The following RARB variants were observed in gnomAD, a reference collection of about 807,000 sequenced individuals.
RARB encodes HBV-activated protein.
In RARB, 17 loss-of-function variants were observed where a neutral mutation model predicts 51.9. That is an observed-to-expected ratio of 0.33 (90% CI 0.22 to 0.49). The LOEUF is 0.49. Among genes scored for constraint, RARB ranks in the 20% least tolerant of loss-of-function variants. RARB has a pLI of 0.99. For synonymous variants in RARB, 215 were observed against 195.4 expected (o/e 1.10, Z -0.84); for missense variants, 369 against 550.8 (o/e 0.67, Z 3.30).
intron 2 of RARB, among the ~76,000 whole-genome samples, chr3:24,918,449 C>T (rs555538378): frequency 3.3e-5 from 5 of 151,950 alleles, no homozygotes; most frequent in African/African-American, 9.7e-5. Flanking sequence ...TTTGGGGTGA[C>T]GGAGATATTT....
intron 4 of RARB, 63 bp downstream of exon 4, chr3:25,569,981 GACACACACACACACACACACACAC>G: frequency 1.9e-6 from 2 of 1,068,362 alleles, no homozygotes; most frequent in Admixed American, 2.5e-5. Context: ...CATGTGTGCA[GACACACACACACACACACACACAC>G]ACACACACAC....
chr3:24,974,488 A>T (rs1457668068), intron 2 of RARB, among the ~76,000 whole-genome samples: 1 of 152,032 alleles, frequency 6.6e-6, no homozygotes, highest in Non-Finnish European at 1.5e-5. Context: ...TTCCGATGTC[A>T]TGGATGTTAA....
At chr3:25,146,504 TTTGTTTG>T (rs1397287662) in intron 4 of RARB, among the ~76,000 whole-genome samples, 9 of 45,072 alleles carry the variant, frequency 2.0e-4, no homozygotes, top group East Asian at 1.0e-3. Flanking sequence ...TTTTTGTTTG[TTTGTTTG>T]TTTTTTTTTT....
intron 5 of RARB, among the ~76,000 whole-genome samples, chr3:25,366,584 A>C (rs2125468359): frequency 6.6e-6 from 1 of 152,374 alleles, no homozygotes; most frequent in Admixed American, 6.5e-5. Context: ...ACATAAAGGA[A>C]ATAATATACA....
At chr3:25,299,497 G>A (rs1703990828) in intron 5 of RARB, among the ~76,000 whole-genome samples, 1 of 152,028 alleles carries the variant, frequency 6.6e-6, no homozygotes, top group Non-Finnish European at 1.5e-5. Context: ...ACCACACCTG[G>A]CCCACCTCAC....
chr3:25,309,966 C>T (rs1245336869), intron 5 of RARB, among the ~76,000 whole-genome samples: 4 of 152,106 alleles, frequency 2.6e-5, no homozygotes, highest in African/African-American at 7.2e-5. Context: ...TTGAAAGTCC[C>T]GAAGGCTGCT....
chr3:25,243,739 G>C (rs569988308), intron 5 of RARB, among the ~76,000 whole-genome samples: 1 of 152,048 alleles, frequency 6.6e-6, no homozygotes, highest in African/African-American at 2.4e-5. Flanking sequence ...TTTTCCCTTC[G>C]ATGTTCATCA....
chr3:25,474,520 G>T (rs1695857510), intron 2 of RARB, among the ~76,000 whole-genome samples: 1 of 152,080 alleles, frequency 6.6e-6, no homozygotes, highest in Non-Finnish European at 1.5e-5. Context: ...CCTTCAGCTG[G>T]CTGGGACCCT....
chr3:24,995,342 G>A (rs1182451437), intron 2 of RARB, among the ~76,000 whole-genome samples: 1 of 151,224 alleles, frequency 6.6e-6, no homozygotes, highest in Non-Finnish European at 1.5e-5. Context: ...TTTGCATTCT[G>A]CAACTTCATC....
intron 5 of RARB, among the ~76,000 whole-genome samples, chr3:25,247,085 C>T (rs1185013107): frequency 6.6e-6 from 1 of 152,206 alleles, no homozygotes; most frequent in African/African-American, 2.4e-5. Flanking sequence ...GTGGGCTCCG[C>T]CCAGTCAGAA....
intron 5 of RARB, among the ~76,000 whole-genome samples, chr3:25,265,083 G>A (rs1443821002): frequency 6.6e-6 from 1 of 152,110 alleles, no homozygotes; most frequent in Non-Finnish European, 1.5e-5. Flanking sequence ...CTTGATCTTG[G>A]ACTGCCCAGA....
chr3:25,422,004 A>G (rs1466049453), intron 5 of RARB, among the ~76,000 whole-genome samples: 1 of 152,162 alleles, frequency 6.6e-6, no homozygotes, highest in African/African-American at 2.4e-5. Flanking sequence ...GCACTGTCCT[A>G]TTAATGTGAA....
chr3:24,891,275 A>AG (rs1703373449), intron 2 of RARB, among the ~76,000 whole-genome samples: 1 of 152,124 alleles, frequency 6.6e-6, no homozygotes, highest in African/African-American at 2.4e-5. Flanking sequence ...TTCATGCTAG[A>AG]GGTAGTATAT....
At chr3:24,954,293 TC>T (rs1472559644) in intron 2 of RARB, among the ~76,000 whole-genome samples, 1 of 152,156 alleles carries the variant, frequency 6.6e-6, no homozygotes, top group Non-Finnish European at 1.5e-5. Flanking sequence ...TCATCATGTG[TC>T]CACTGGTGTG....
chr3:25,421,650 T>G (rs1707869052), intron 5 of RARB, among the ~76,000 whole-genome samples: 1 of 152,122 alleles, frequency 6.6e-6, no homozygotes, highest in Admixed American at 6.5e-5. Context: ...GTGATCCTCC[T>G]GCCTCGGCCT....
chr3:25,393,874 TTCTA>T (rs1160497810), intron 5 of RARB, among the ~76,000 whole-genome samples: 1 of 152,044 alleles, frequency 6.6e-6, no homozygotes, highest in Non-Finnish European at 1.5e-5. Context: ...TTTTTGTTTT[TTCTA>T]TCTTTTGTAT....
chr3:25,260,918 C>T (rs1253955871), intron 5 of RARB, among the ~76,000 whole-genome samples: 1 of 152,070 alleles, frequency 6.6e-6, no homozygotes, highest in Non-Finnish European at 1.5e-5. Flanking sequence ...GACAGCAAAG[C>T]TTAGTAGTTA....
chr3:25,203,545 G>C (rs544933052), intron 5 of RARB, among the ~76,000 whole-genome samples: 1 of 152,112 alleles, frequency 6.6e-6, no homozygotes, highest in Non-Finnish European at 1.5e-5. Flanking sequence ...TTTACAATTC[G>C]GCATGTTTTT....
intron 5 of RARB, among the ~76,000 whole-genome samples, chr3:25,315,687 C>T (rs1427914554): frequency 6.6e-6 from 1 of 152,172 alleles, no homozygotes; most frequent in Non-Finnish European, 1.5e-5. Flanking sequence ...AGTCTCAGCT[C>T]ACTGCAACCT....
Sources: gnomAD v4.1 joint callset for allele counts (sites outside exome capture counted in the v4.1 genomes callset) on GRCh38, gnomAD v4.1.1 for gene constraint, MANE v1.5 for transcripts, NCBI Gene and HGNC (gene_info 2026-07-23, HGNC 2026-07-21) for gene names.